Variants in USH2A observed in about 807,000 individuals in gnomAD.
USH2A encodes usherin, also known as Usher syndrome 2A (autosomal recessive, mild).
A neutral mutation model predicts 538.9 loss-of-function variants in USH2A; 443 were observed. That is an observed-to-expected ratio of 0.82 (90% confidence interval 0.76 to 0.89). USH2A has a LOEUF of 0.89. Ranked by LOEUF, USH2A falls within the 40% of genes least tolerant of loss-of-function variation. The pLI, the probability that USH2A is intolerant of heterozygous loss-of-function variation, is 0.00. For synonymous variants in USH2A, 2,413 were observed against 2,273.5 expected, an observed-to-expected ratio of 1.06 and a Z score of -1.75; for missense variants, 6,633 against 6,324.8, an observed-to-expected ratio of 1.05 and a Z score of -1.65.
intron 50 of USH2A, 82 bp from the exon 51 acceptor site, chr1:215,790,364 AT>A (rs1661948347): frequency 4.0e-6 from 6 of 1,507,956 alleles, no homozygotes; most frequent in Non-Finnish European, 5.5e-6. Context: ...TGGTATAAAA[AT>A]GTCAGGCTCA....
chr1:216,063,162 C>T (rs538590370), intron 30 of USH2A, among the ~76,000 whole-genome samples: 6 of 152,132 alleles, frequency 3.9e-5, no homozygotes, highest in Admixed American at 6.6e-5. Flanking sequence ...TAGGCTTCAC[C>T]GATTTTTCTC....
chr1:215,845,535 A>C (rs2102822820), intron 45 of USH2A, among the ~76,000 whole-genome samples: 1 of 152,218 alleles, frequency 6.6e-6, no homozygotes, highest in Non-Finnish European at 1.5e-5. Context: ...AAAGTTTCTA[A>C]ATGTCACCAT....
Position 215,934,708 on chromosome 1 carries a change from A to T in USH2A, c.7208T>A (p.Val2403Asp), listed in dbSNP as rs377083751. Residue 2403 changes from valine (V) to aspartate (D), a missense_variant, in exon 38 of 72, where the codon GTT becomes GAT. Val to Asp is a radical substitution (Grantham distance 152, BLOSUM62 -3). Transcript: ENST00000307340. ...TNLWVLIDGL[V>D]PFTNYTVQVN... is the part of the protein sequence containing the mutation. ...TTGTACAGTATAGTTGGTAAAAGGAACCAGCCCATCGATGAGCACCCAAAG... is the reference window on the plus strand; with the variant it reads ...TTGTACAGTATAGTTGGTAAAAGGATCCAGCCCATCGATGAGCACCCAAAG... The T allele has an allele frequency of 2.5e-6, 4 of 1,612,714 alleles. No individual in the cohort carries two copies. Among genetic ancestry groups the T allele is most frequent in the African/African-American group, 2.7e-5 (2 of 74,832 alleles).
chr1:216,126,876 A>G (rs2102599194), intron 21 of USH2A, among the ~76,000 whole-genome samples: 1 of 152,302 alleles, frequency 6.6e-6, no homozygotes, highest in African/African-American at 2.4e-5. Flanking sequence ...TTTCAAAGAA[A>G]TATGGAAAAT....
intron 3 of USH2A, among the ~76,000 whole-genome samples, chr1:216,365,967 G>T (rs748304291): frequency 4.6e-5 from 7 of 152,254 alleles, no homozygotes; most frequent in Admixed American, 2.0e-4. Context: ...GCCCAGAATA[G>T]CCAATGCTAT....
intron 38 of USH2A, among the ~76,000 whole-genome samples, chr1:215,913,410 A>C (rs1236552697): frequency 2.0e-5 from 3 of 152,096 alleles, no homozygotes; most frequent in African/African-American, 4.8e-5. Flanking sequence ...AGTGGTATTT[A>C]AGTTTGGACC....
At chr1:215,707,054 TG>T (rs1249614337) in intron 61 of USH2A, among the ~76,000 whole-genome samples, 1 of 152,236 alleles carries the variant, frequency 6.6e-6, no homozygotes, top group African/African-American at 2.4e-5. Context: ...GATCAAAGAT[TG>T]TTTTTATTTT....
At position 215,719,362 on chromosome 1, in the gene USH2A, C is replaced by CAA. The variant is rs375176415; in HGVS notation, c.12066+8666_12066+8667dup. 7.2e-3 allele frequency among the ~76,000 whole-genome samples: 536 copies of CAA among 74,594 alleles called. 19 individuals carry two copies. Among genetic ancestry groups the CAA allele is most frequent in the Admixed American group, 0.012 (74 of 6,136 alleles). 48.9% of individuals were successfully genotyped at this position (74,594 alleles called of 152,430 possible). On this transcript the variant is annotated intron_variant, in intron 61 of 71. Transcript: ENST00000307340. ...TAAGACCGTAATAAACCTCAGGAGA[C>CAA]AAAAAAAAAAAAAAAAAAAAAGCAT...
In USH2A at chr1:215,674,800, G is replaced by C. The variant is rs2102665798; in HGVS notation, c.13111C>G (p.Gln4371Glu). Residue 4371 changes from glutamine (Q) to glutamate (E), a missense_variant, in exon 63 of 72, where the codon CAA becomes GAA. Coordinates refer to ENST00000307340, the MANE Select transcript of USH2A (RefSeq NM_206933.4). ...PPDLWAVSAT[Q>E]MNVCWSPPTV... The stretch of plus-strand genomic sequence containing the variant: ...GGCGGTGACCAACATACATTCATTT[G>C]AGTGGCACTGACGGCCCAAAGATCT... 1 of 1,614,120 alleles carries C rather than the reference G, an allele frequency of 6.2e-7. No individual in the cohort carries two copies.
intron 32 of USH2A, among the ~76,000 whole-genome samples, chr1:216,016,776 C>G (rs889910275): frequency 1.3e-5 from 2 of 151,546 alleles, no homozygotes; most frequent in Non-Finnish European, 2.9e-5. Context: ...GGACCTGGTG[C>G]CTCCAACACA....
chr1:215,867,306 T>A, intron 43 of USH2A, 136 bp from the exon 44 acceptor site: 1 of 955,452 alleles, frequency 1.0e-6, no homozygotes, highest in South Asian at 1.7e-5. Flanking sequence ...TTTTCCTCCC[T>A]AGAAAATACA....
At chr1:215,955,193 C>T (rs925660827) in intron 37 of USH2A, among the ~76,000 whole-genome samples, 3 of 152,150 alleles carry the variant, frequency 2.0e-5, no homozygotes, top group African/African-American at 7.2e-5. Flanking sequence ...CTTCAGCACA[C>T]AGACCATGCT....
intron 38 of USH2A, among the ~76,000 whole-genome samples, chr1:215,907,648 A>G (rs1311242478): frequency 6.6e-6 from 1 of 152,082 alleles, no homozygotes; most frequent in Admixed American, 6.6e-5. Flanking sequence ...CATCAAGTTC[A>G]TTCATATCAG....
intron 38 of USH2A, among the ~76,000 whole-genome samples, chr1:215,902,932 C>T (rs1665539764): frequency 6.6e-6 from 1 of 152,004 alleles, no homozygotes; most frequent in Non-Finnish European, 1.5e-5. Context: ...TATATGTGAT[C>T]TTTAAAGGCT....
intron 12 of USH2A, 24 bp from the exon 13 acceptor site, chr1:216,247,250 G>T: frequency 6.2e-7 from 1 of 1,612,304 alleles, no homozygotes; most frequent in Admixed American, 1.7e-5. Flanking sequence ...ATATTTAAAA[G>T]GTGAGGATGG....
chr1:215,806,264 T>C (rs1479784498), intron 49 of USH2A, among the ~76,000 whole-genome samples: 1 of 149,550 alleles, frequency 6.7e-6, no homozygotes, highest in African/African-American at 2.6e-5. Flanking sequence ...TGAATCAACA[T>C]ATTTTTTGTT....
At chr1:216,333,127 A>C (rs71643410) in intron 4 of USH2A, among the ~76,000 whole-genome samples, 1 of 152,028 alleles carries the variant, frequency 6.6e-6, no homozygotes, top group African/African-American at 2.4e-5. Flanking sequence ...TGCTTTAGAC[A>C]ATATAGAATA....
chr1:215,627,750 T>TTA (rs1231760101), intron 71 of USH2A, among the ~76,000 whole-genome samples: 2 of 152,120 alleles, frequency 1.3e-5, no homozygotes, highest in African/African-American at 4.8e-5. Context: ...GGTCTCTATC[T>TTA]AACTCTGGAC....
At chr1:216,347,593 T>C (rs1318458776) in intron 4 of USH2A, among the ~76,000 whole-genome samples, 2 of 152,076 alleles carry the variant, frequency 1.3e-5, no homozygotes, top group African/African-American at 4.8e-5. Flanking sequence ...TTTGTAAAAA[T>C]ATGTTATTGG....
Sources: allele counts gnomAD v4.1 joint callset (sites outside exome capture counted in the v4.1 genomes callset), GRCh38; gene constraint gnomAD v4.1.1; transcripts MANE v1.5; gene names NCBI Gene and HGNC (gene_info 2026-07-23, HGNC 2026-07-21).